DNAJC6: variants seen among roughly 807,000 people sequenced by gnomAD.
DNAJC6 encodes auxilin.
DNAJC6 carries 34 observed loss-of-function variants against 110.0 expected under a neutral mutation model. The observed-to-expected ratio is 0.31, with a 90% CI of 0.24 to 0.41. DNAJC6 has a LOEUF of 0.41. Among genes scored for constraint, DNAJC6 ranks in the 10% least tolerant of loss-of-function variants. The probability of loss-of-function intolerance (pLI) is 1.00; values close to 1 mark genes in which losing one functional copy is unlikely to be tolerated. For synonymous variants in DNAJC6, 406 were observed against 437.2 expected, an observed-to-expected ratio of 0.93 and a Z score of 0.89; for missense variants, 1,031 against 1,207.8, an observed-to-expected ratio of 0.85 and a Z score of 2.17.
At chr1:65,264,815 C>T (rs538875366) in exon 1 of DNAJC6, 10 of 1,565,188 alleles carry the variant, frequency 6.4e-6, no homozygotes, top group Non-Finnish European at 8.7e-6. Flanking sequence ...AGACTTCGCC[C>T]CCGAGACCGC....
chr1:65,368,641 ATTC>A (rs1242908438), intron 4 of DNAJC6, among the ~76,000 whole-genome samples: 2 of 115,916 alleles, frequency 1.7e-5, no homozygotes, highest in Admixed American at 9.9e-5. Flanking sequence ...CCTCCTCCTC[ATTC>A]TTCTTCTCCC....
At chr1:65,296,585 T>TG (rs1644931036) in intron 1 of DNAJC6, among the ~76,000 whole-genome samples, 6 of 110,532 alleles carry the variant, frequency 5.4e-5, no homozygotes. Flanking sequence ...ATTCGACACA[T>TG]CTTTTTTTTT....
chr1:65,376,353 C>A (rs137950057), intron 4 of DNAJC6, among the ~76,000 whole-genome samples: 1 of 150,806 alleles, frequency 6.6e-6, no homozygotes, highest in African/African-American at 2.4e-5. Context: ...TTTATTTTGT[C>A]GAAATTTTTT....
chr1:65,318,705 A>G (rs1397144077), intron 1 of DNAJC6, among the ~76,000 whole-genome samples: 1 of 151,980 alleles, frequency 6.6e-6, no homozygotes, highest in African/African-American at 2.4e-5. Context: ...TTGTCAGGGC[A>G]TGGGTGGGGC....
chr1:65,404,821 G>A (rs1002011238), intron 15 of DNAJC6, among the ~76,000 whole-genome samples: 1 of 152,190 alleles, frequency 6.6e-6, no homozygotes, highest in Non-Finnish European at 1.5e-5. Flanking sequence ...TCTAATCCCA[G>A]CTCCATTAAT....
At chr1:65,288,938 A>G (rs576782792) in intron 1 of DNAJC6, among the ~76,000 whole-genome samples, 2 of 152,286 alleles carry the variant, frequency 1.3e-5, no homozygotes, top group East Asian at 3.9e-4. Context: ...TGGGTCTGCT[A>G]TGAAAAGTAC....
chr1:65,413,093 T>G lies in DNAJC6; in HGVS notation c.*68T>G, dbSNP rs1468550651. The G allele has an allele frequency of 1.1e-5, 16 of 1,428,124 alleles. No individual in the cohort carries two copies. The highest frequency in any genetic ancestry group is 1.4e-5 in the Non-Finnish European group (14 of 1,031,240). 88.5% of individuals were successfully genotyped at this position (1,428,124 alleles called of 1,614,324 possible). Reference sequence around the variant, plus strand: ...TTAGTGTGTGTCACAATTCTGAGGTTTTCGCAGATGAACCAAAAACTCCAG... The same window carrying G: ...TTAGTGTGTGTCACAATTCTGAGGTGTTCGCAGATGAACCAAAAACTCCAG... On this transcript the variant is annotated 3_prime_UTR_variant, in exon 19 of 19. Coordinates refer to ENST00000371069, the MANE Select transcript of DNAJC6 (RefSeq NM_001256864.2).
intron 18 of DNAJC6, among the ~76,000 whole-genome samples, chr1:65,411,786 A>G (rs1395761281): frequency 2.6e-5 from 4 of 151,998 alleles, no homozygotes; most frequent in African/African-American, 4.8e-5. Flanking sequence ...CCTGGGCAAC[A>G]TGACAAAACC....
chr1:65,267,538 G>A (rs1179525792), intron 1 of DNAJC6, among the ~76,000 whole-genome samples: 1 of 151,910 alleles, frequency 6.6e-6, no homozygotes, highest in Non-Finnish European at 1.5e-5. Context: ...GTGGGTATAA[G>A]CCGTATTCTG....
intron 1 of DNAJC6, among the ~76,000 whole-genome samples, chr1:65,341,247 G>GC (rs1317362716): frequency 1.3e-5 from 2 of 152,174 alleles, no homozygotes; most frequent in African/African-American, 4.8e-5. Context: ...GCTAGCCGTG[G>GC]CCCTAGTTCC....
chr1:65,319,460 C>T (rs747662902), intron 1 of DNAJC6, among the ~76,000 whole-genome samples: 4 of 152,118 alleles, frequency 2.6e-5, no homozygotes, highest in Non-Finnish European at 5.9e-5. Context: ...GGCCTAAGGC[C>T]CGAGGCCAGT....
chr1:65,415,640 C>G lies in DNAJC6; in HGVS notation c.*2615C>G, dbSNP rs1190006458. ...AAGGATTGAACCTGGAAGTCTGGGA[C>G]TTTATCATAGAAACAAAGTCTCAGA... On this transcript the variant is annotated 3_prime_UTR_variant, in exon 19 of 19. Transcript: ENST00000371069. 6.6e-6 allele frequency: 1 copy of G among 152,170 alleles called. No individual in the cohort carries two copies. Among genetic ancestry groups the G allele is most frequent in the Non-Finnish European group, 1.5e-5 (1 of 68,030 alleles). 9.4% of individuals were successfully genotyped at this position (152,170 alleles called of 1,614,324 possible).
At chr1:65,270,468 T>C (rs1653467784) in intron 1 of DNAJC6, among the ~76,000 whole-genome samples, 1 of 152,146 alleles carries the variant, frequency 6.6e-6, no homozygotes, top group Non-Finnish European at 1.5e-5. Flanking sequence ...ACATTAAAAC[T>C]TTTGGAGACT....
exon 1 of DNAJC6, chr1:65,264,800 T>C (rs1653260105): frequency 1.3e-6 from 2 of 1,545,398 alleles, no homozygotes; most frequent in African/African-American, 2.7e-5. Context: ...TGCTCCTCCG[T>C]TGAGAGACTT....
At chr1:65,398,762 G>A in intron 13 of DNAJC6, 51 bp from the exon 14 acceptor site, 1 of 1,594,476 alleles carries the variant, frequency 6.3e-7, no homozygotes, top group Non-Finnish European at 8.6e-7. Context: ...ACTCAGAAAA[G>A]TGGGTTCTGA....
intron 1 of DNAJC6, among the ~76,000 whole-genome samples, chr1:65,288,212 G>C (rs1399854814): frequency 6.6e-6 from 1 of 152,086 alleles, no homozygotes; most frequent in Non-Finnish European, 1.5e-5. Context: ...GAGTCCTTAG[G>C]GGATTCCACA....
intron 1 of DNAJC6, among the ~76,000 whole-genome samples, chr1:65,345,419 A>T (rs1039346942): frequency 6.6e-6 from 1 of 152,172 alleles, no homozygotes; most frequent in East Asian, 1.9e-4. Flanking sequence ...GGAGGATATT[A>T]TCTACCTCCA....
chr1:65,275,382 C>A (rs192792405), intron 1 of DNAJC6, among the ~76,000 whole-genome samples: 122 of 152,322 alleles, frequency 8.0e-4, no homozygotes, highest in African/African-American at 2.6e-3. Context: ...GTTCCCCCAG[C>A]ACTTTAAAAC....
rs933331913 is a variant in DNAJC6 at position 65,405,898 on chromosome 1, C to A, written c.2256C>A (p.Thr752=). 1.9e-6 allele frequency: 3 copies of A among 1,609,536 alleles called. No individual in the cohort carries two copies. The African/African-American group carries it at 4.0e-5, about 22-fold the overall frequency. The change falls in exon 16 of 19, where the codon ACC becomes ACA. Residue 752 remains threonine (T), a synonymous_variant. Coordinates refer to ENST00000371069, the MANE Select transcript of DNAJC6 (RefSeq NM_001256864.2). The part of the protein sequence containing the change: ...LGSSSFASKP[T]TPTGLGGGFP... ...GTTCTTCCTTTGCCAGCAAACCCAC[C>A]ACACCAACTGGATTGGGTGGAGGAT...
Sources: gnomAD v4.1 joint callset for allele counts (sites outside exome capture counted in the v4.1 genomes callset) on GRCh38, gnomAD v4.1.1 for gene constraint, MANE v1.5 for transcripts, NCBI Gene and HGNC (gene_info 2026-07-23, HGNC 2026-07-21) for gene names.